Variants in PAN3 observed in about 807,000 individuals in gnomAD.
PAN3 encodes poly(A) specific ribonuclease subunit PAN3, also known as PAN2-PAN3 deadenylation complex subunit PAN3.
A neutral mutation model predicts 96.2 loss-of-function variants in PAN3; 19 were observed. The observed-to-expected ratio is 0.20, with a 90% CI of 0.14 to 0.29. PAN3 has a LOEUF of 0.29. Among genes scored for constraint, PAN3 ranks in the 10% least tolerant of loss-of-function variants. The pLI, the probability that PAN3 is intolerant of heterozygous loss-of-function variation, is 1.00. For synonymous variants in PAN3, 433 were observed against 406.6 expected (o/e 1.06, Z -0.78); for missense variants, 882 against 1,108.1 (o/e 0.80, Z 2.90).
intron 1 of PAN3, among the ~76,000 whole-genome samples, chr13:28,148,192 G>A (rs1870923002): frequency 6.6e-6 from 1 of 152,108 alleles, no homozygotes; most frequent in Admixed American, 6.6e-5. Context: ...CTGGGCTCAA[G>A]TGATCCTCCT....
chr13:28,175,130 A>G (rs934432791), intron 2 of PAN3, among the ~76,000 whole-genome samples: 7 of 152,228 alleles, frequency 4.6e-5, no homozygotes, highest in African/African-American at 9.6e-5. Flanking sequence ...GAAAACTGCC[A>G]TAATAGTAAA....
intron 5 of PAN3, among the ~76,000 whole-genome samples, chr13:28,213,083 C>T (rs544479801): frequency 1.4e-4 from 21 of 152,172 alleles, no homozygotes; most frequent in Admixed American, 9.8e-4. Flanking sequence ...CTTTCCGTAT[C>T]CATGGGTTCT....
At chr13:28,152,919 G>T (rs7335668) in intron 1 of PAN3, among the ~76,000 whole-genome samples, 1 of 152,098 alleles carries the variant, frequency 6.6e-6, no homozygotes, top group Non-Finnish European at 1.5e-5. Context: ...GTGGGTATGG[G>T]GGGGAAAAGA....
chr13:28,218,977 A>T (rs1375967300), intron 5 of PAN3, among the ~76,000 whole-genome samples: 1 of 152,190 alleles, frequency 6.6e-6, no homozygotes, highest in African/African-American at 2.4e-5. Flanking sequence ...ACCGGCCCTG[A>T]CATACTTTTC....
chr13:28,170,510 A>G (rs1287364333), intron 1 of PAN3, among the ~76,000 whole-genome samples: 1 of 152,052 alleles, frequency 6.6e-6, no homozygotes, highest in East Asian at 1.9e-4. Context: ...CAAAATGTGA[A>G]AAGAGAAAAT....
chr13:28,178,791 T>C (rs1341196366), intron 4 of PAN3, among the ~76,000 whole-genome samples: 1 of 152,150 alleles, frequency 6.6e-6, no homozygotes, highest in African/African-American at 2.4e-5. Context: ...TAAGATACTT[T>C]TAAGAAGGAT....
At chr13:28,196,217 A>G (rs1351437564) in intron 4 of PAN3, among the ~76,000 whole-genome samples, 3 of 152,030 alleles carry the variant, frequency 2.0e-5, no homozygotes, top group East Asian at 3.8e-4. Context: ...CTTATACCTC[A>G]TGACAGAACA....
Position 28,163,311 on chromosome 13 carries a change from A to G in PAN3, c.431-10961A>G, listed in dbSNP as rs79395535. 6.8e-3 allele frequency among the ~76,000 whole-genome samples: 1,042 copies of G among 152,340 alleles called. 11 individuals are homozygous for G. The highest frequency in any genetic ancestry group is 0.024 in the African/African-American group (1,007 of 41,572). ...GTTGAAGACAGCAATAAAAAGTCAAAAGGAAGTTTTTTTTTCTCAAATGAG... is the reference window on the plus strand; with the variant it reads ...GTTGAAGACAGCAATAAAAAGTCAAGAGGAAGTTTTTTTTTCTCAAATGAG... On this transcript the variant is annotated intron_variant, in intron 1 of 18. Coordinates refer to ENST00000380958, the MANE Select transcript of PAN3 (RefSeq NM_175854.8).
chr13:28,139,236 C>T lies in PAN3; in HGVS notation c.430+149C>T, dbSNP rs2137887203. 3 of 957,476 alleles carry T rather than the reference C, an allele frequency of 3.1e-6. No homozygotes were observed. In the East Asian group the frequency reaches 9.9e-5, roughly 32 times the overall value. 59.3% of individuals were successfully genotyped at this position (957,476 alleles called of 1,614,324 possible). A position where few individuals can be genotyped will look rare whatever the true frequency, so the allele number is the denominator to read the frequency against. On this transcript the variant is annotated intron_variant, in intron 1 of 18. Coordinates refer to ENST00000380958, the MANE Select transcript of PAN3 (RefSeq NM_175854.8). ...CTGAGAGGCCTAGGCCGGGCCTGAG[C>T]CCTCCTTCCTTCTTCCTGCTTCCCC...
intron 1 of PAN3, among the ~76,000 whole-genome samples, chr13:28,168,856 A>C (rs1485247844): frequency 6.6e-6 from 1 of 151,962 alleles, no homozygotes; most frequent in African/African-American, 2.4e-5. Flanking sequence ...GTCTCTATTA[A>C]AAATACAAAA....
chr13:28,157,526 T>A (rs1041321217), intron 1 of PAN3, among the ~76,000 whole-genome samples: 1 of 152,152 alleles, frequency 6.6e-6, no homozygotes, highest in Non-Finnish European at 1.5e-5. Context: ...GGATACAAAA[T>A]TGATGTACAA....
rs1868680032 is a variant in PAN3 at position 28,284,276 on chromosome 13, C to CT, written c.2384+2899dup. On this transcript the variant is annotated intron_variant, in intron 17 of 18. Coordinates refer to ENST00000380958, the MANE Select transcript of PAN3 (RefSeq NM_175854.8). ...GTCTGTTTTATGCTATTGATCCATTCTTATGTCCTGTTCAATTCATATCCT... is the reference window on the plus strand; with the variant it reads ...GTCTGTTTTATGCTATTGATCCATTCTTTATGTCCTGTTCAATTCATATCCT... Among the ~76,000 whole-genome samples, 3 of 152,070 alleles carry CT rather than the reference C, an allele frequency of 2.0e-5. No homozygotes were observed. The South Asian group carries it at 6.2e-4, about 32-fold the overall frequency.
chr13:28,269,101 A>G (rs1274253872), intron 12 of PAN3, among the ~76,000 whole-genome samples: 1 of 152,164 alleles, frequency 6.6e-6, no homozygotes, highest in Non-Finnish European at 1.5e-5. Context: ...TATGCATTTC[A>G]GAATGTTTAT....
rs555125476 is a variant in PAN3 at position 28,291,478 on chromosome 13, TC to T, written c.2524-903del. ...AAAACTTTGATAATAGTAGTTAAAA[TC>T]TAAATTTAAATAGCAAGGTGCTCAT... On this transcript the variant is annotated intron_variant, in intron 18 of 18. Coordinates refer to ENST00000380958, the MANE Select transcript of PAN3 (RefSeq NM_175854.8). 3.8e-3 allele frequency among the ~76,000 whole-genome samples: 586 copies of T among 152,296 alleles called. 2 individuals are homozygous for T. The highest frequency in any genetic ancestry group is 6.2e-3 in the Non-Finnish European group (420 of 68,020).
At chr13:28,263,093 C>CTTGG (rs1187565510) in intron 9 of PAN3, among the ~76,000 whole-genome samples, 4 of 152,094 alleles carry the variant, frequency 2.6e-5, no homozygotes, top group Admixed American at 6.5e-5. Context: ...GGGCCACGAC[C>CTTGG]ATCCAAGGTA....
chr13:28,232,583 A>G (rs1425778008), intron 6 of PAN3: 1 of 152,092 alleles, frequency 6.6e-6, no homozygotes. Context: ...ATGACATCCA[A>G]ATTCATGAAG....
chr13:28,251,745 T>G (rs547341324), intron 6 of PAN3, among the ~76,000 whole-genome samples: 1 of 152,314 alleles, frequency 6.6e-6, no homozygotes, highest in East Asian at 1.9e-4. Flanking sequence ...ATGGCCACAT[T>G]TCGTGTACCC....
At chr13:28,227,863 T>C (rs1350986836) in intron 6 of PAN3, among the ~76,000 whole-genome samples, 4 of 152,106 alleles carry the variant, frequency 2.6e-5, no homozygotes, top group South Asian at 4.1e-4. Flanking sequence ...ATGAGGGGAG[T>C]TTTGTTTCAG....
intron 5 of PAN3, among the ~76,000 whole-genome samples, chr13:28,218,860 C>A (rs569056946): frequency 6.6e-6 from 1 of 152,070 alleles, no homozygotes; most frequent in African/African-American, 2.4e-5. Context: ...GGTAATCTTG[C>A]GTAATCCTGA....
Sources: gnomAD v4.1 joint callset for allele counts (sites outside exome capture counted in the v4.1 genomes callset) on GRCh38, gnomAD v4.1.1 for gene constraint, MANE v1.5 for transcripts, NCBI Gene and HGNC (gene_info 2026-07-23, HGNC 2026-07-21) for gene names.